Variants in HOPX observed in about 807,000 individuals in gnomAD.
The protein encoded by HOPX is HOP homeobox.
A neutral mutation model predicts 11.8 loss-of-function variants in HOPX; 5 were observed. The ratio of observed to expected loss-of-function variants is 0.43; its 90% CI spans 0.22 to 0.89. HOPX has a LOEUF of 0.89. Among genes scored for constraint, HOPX ranks in the 40% least tolerant of loss-of-function variants. The pLI, the probability that HOPX is intolerant of heterozygous loss-of-function variation, is 0.28. For missense variants in HOPX, 119 were observed against 120.0 expected (o/e 0.99, Z 0.04); for synonymous variants, 49 against 49.7 (o/e 0.99, Z 0.06).
At chr4:56,673,916 G>T (rs982533631) in intron 1 of HOPX, among the ~76,000 whole-genome samples, 1 of 151,542 alleles carries the variant, frequency 6.6e-6, no homozygotes, top group South Asian at 2.1e-4. Flanking sequence ...TGTTGGCCAG[G>T]CTGGTCTTGA....
chr4:56,673,386 C>A (rs1718840092), intron 1 of HOPX, among the ~76,000 whole-genome samples: 1 of 151,790 alleles, frequency 6.6e-6, no homozygotes, highest in Non-Finnish European at 1.5e-5. Context: ...TCATCATACG[C>A]CTAAAGACAA....
chr4:56,650,422 T>TG, intron 3 of HOPX: 1 of 404,310 alleles, frequency 2.5e-6, no homozygotes, highest in Non-Finnish European at 4.5e-6. Flanking sequence ...ATGAACAGGA[T>TG]GGGCTCTAGG....
chr4:56,660,264 C>T (rs562407994), intron 1 of HOPX, among the ~76,000 whole-genome samples: 2 of 152,258 alleles, frequency 1.3e-5, no homozygotes, highest in East Asian at 3.9e-4. Flanking sequence ...ATGTACAAAA[C>T]ATATTTAATA....
intron 2 of HOPX, 85 bp from the exon 3 acceptor site, chr4:56,656,097 G>A (rs1204884095): frequency 1.5e-6 from 2 of 1,350,506 alleles, no homozygotes; most frequent in East Asian, 6.4e-5. Flanking sequence ...GGCGCCGCCG[G>A]GCAGCCCCAG....
intron 1 of HOPX, chr4:56,680,309 T>C (rs548162223): frequency 5.3e-5 from 8 of 152,284 alleles, no homozygotes; most frequent in Admixed American, 4.6e-4. Context: ...GGATAGACTA[T>C]GGAATTAATG....
At chr4:56,668,410 A>G (rs1336027568) in intron 1 of HOPX, among the ~76,000 whole-genome samples, 1 of 152,242 alleles carries the variant, frequency 6.6e-6, no homozygotes, top group Non-Finnish European at 1.5e-5. Context: ...CCAAGGCACA[A>G]GAATGGAGAT....
chr4:56,658,822 T>C (rs1035306771), intron 1 of HOPX, among the ~76,000 whole-genome samples: 13 of 152,230 alleles, frequency 8.5e-5, no homozygotes, highest in African/African-American at 3.1e-4. Context: ...TCATCAGACA[T>C]TCAAGGAGTA....
chr4:56,676,133 T>C (rs11721544), intron 1 of HOPX, among the ~76,000 whole-genome samples: 113,668 of 151,120 alleles, frequency 0.75, 43,869 homozygotes, highest in African/African-American at 0.93. Flanking sequence ...CCTGTCTCTA[T>C]CAAAACTACA....
At chr4:56,681,393 A>G, upstream of HOPX, 1 of 985,512 alleles carries the variant, frequency 1.0e-6, no homozygotes, top group South Asian at 4.7e-5. Flanking sequence ...CACTCGAGCA[A>G]GGACCTGAAA....
chr4:56,661,876 A>G (rs997890412), intron 1 of HOPX, among the ~76,000 whole-genome samples: 4 of 152,224 alleles, frequency 2.6e-5, no homozygotes, highest in Admixed American at 2.0e-4. Context: ...ATACAAATAT[A>G]ATGTATGGAA....
At chr4:56,679,774 A>C (rs906944174) in intron 1 of HOPX, 3 of 152,192 alleles carry the variant, frequency 2.0e-5, no homozygotes, top group Admixed American at 2.0e-4. Context: ...CACCGCACCC[A>C]GCCACTTTCT....
intron 1 of HOPX, among the ~76,000 whole-genome samples, chr4:56,667,051 G>T (rs1444691087): frequency 6.6e-6 from 1 of 152,294 alleles, no homozygotes; most frequent in East Asian, 1.9e-4. Context: ...ATTGAAGAGG[G>T]TTTCAAGGAA....
chr4:56,669,808 G>A (rs2109535320), intron 1 of HOPX, among the ~76,000 whole-genome samples: 1 of 152,264 alleles, frequency 6.6e-6, no homozygotes, highest in Non-Finnish European at 1.5e-5. Flanking sequence ...GTAGAGAATA[G>A]TAAAAATGCC....
At chr4:56,656,270 C>T (rs1717721831) in intron 2 of HOPX, 2 of 1,167,042 alleles carry the variant, frequency 1.7e-6, no homozygotes, top group Non-Finnish European at 2.1e-6. Flanking sequence ...CCGCGCCCCC[C>T]GGGACCCCTT....
At chr4:56,662,819 T>C (rs1443191530) in intron 1 of HOPX, 1 of 152,238 alleles carries the variant, frequency 6.6e-6, no homozygotes, top group Non-Finnish European at 1.5e-5. Flanking sequence ...TCAGAGGTTC[T>C]AAGATATCAC....
chr4:56,656,462 G>T, intron 2 of HOPX: 1 of 981,156 alleles, frequency 1.0e-6, no homozygotes, highest in Non-Finnish European at 1.2e-6. Context: ...CGCGAGGGTG[G>T]GTTCGCCCGA....
intron 1 of HOPX, chr4:56,662,874 T>G (rs964166918): frequency 6.6e-6 from 1 of 152,252 alleles, no homozygotes; most frequent in Non-Finnish European, 1.5e-5. Context: ...GATCATCCTC[T>G]GTCCCTTTAG....
At chr4:56,657,472 T>C (rs567290881) in intron 2 of HOPX, among the ~76,000 whole-genome samples, 26 of 152,316 alleles carry the variant, frequency 1.7e-4, no homozygotes, top group Admixed American at 1.3e-3. Context: ...GTGACCTGCA[T>C]CTTCTACTTC....
At chr4:56,652,240 G>A (rs1205590143) in intron 3 of HOPX, among the ~76,000 whole-genome samples, 1 of 152,178 alleles carries the variant, frequency 6.6e-6, no homozygotes, top group East Asian at 1.9e-4. Context: ...AATCTCCCAA[G>A]ACAGAGAATG....
Sources: gnomAD v4.1 joint callset for allele counts (sites outside exome capture counted in the v4.1 genomes callset) on GRCh38, gnomAD v4.1.1 for gene constraint, MANE v1.5 for transcripts, NCBI Gene and HGNC (gene_info 2026-07-23, HGNC 2026-07-21) for gene names.